Variants in NSD2 observed in about 807,000 individuals in gnomAD.
The protein encoded by NSD2 is nuclear receptor binding SET domain protein 2, also known as histone-lysine N-methyltransferase NSD2.
In NSD2, 12 loss-of-function variants were observed where a neutral mutation model predicts 139.0. That is an observed-to-expected ratio of 0.09 (90% CI 0.06 to 0.14). The LOEUF (loss-of-function observed/expected upper bound fraction) is 0.14, where lower values mean the gene tolerates loss of function less well. Among genes scored for constraint, NSD2 ranks in the 10% least tolerant of loss-of-function variants. The pLI, the probability that NSD2 is intolerant of heterozygous loss-of-function variation, is 1.00. For missense variants in NSD2, 1,155 were observed against 1,745.0 expected, an observed-to-expected ratio of 0.66 and a Z score of 6.02; for synonymous variants, 669 against 648.7, an observed-to-expected ratio of 1.03 and a Z score of -0.48.
intron 4 of NSD2, among the ~76,000 whole-genome samples, chr4:1,917,879 C>G (rs531222662): frequency 6.8e-6 from 1 of 147,672 alleles, no homozygotes; most frequent in East Asian, 2.0e-4. Flanking sequence ...CCTCCCAGTT[C>G]AAGTGATTCT....
rs1280034307 is a variant in NSD2, at chr4:1,978,875, G to A, written c.4064G>A (p.Arg1355Gln). The A allele has an allele frequency of 4.4e-6, 7 of 1,587,824 alleles. No homozygotes were observed. The highest frequency in any genetic ancestry group is 1.7e-5 in the Admixed American group (1 of 57,736). ...PGKPKGKRRRRRGWRRVTEGK is the reference protein window; with the variant it reads ...PGKPKGKRRRQRGWRRVTEGK The stretch of plus-strand genomic sequence containing the variant: ...AAGCCGAAGGGGAAGAGGCGGCGGC[G>A]GAGGGGCTGGCGGAGAGTCACAGAG... Residue 1355 changes from arginine (R) to glutamine (Q), a missense_variant, in exon 22 of 22, where the codon CGG (arginine) becomes CAG (glutamine). This residue lies in a region of NSD2 where 132 missense variants were observed against 94.3 expected (regional missense o/e 1.40). Coordinates refer to ENST00000508803, the MANE Select transcript of NSD2 (RefSeq NM_001042424.3).
At chr4:1,947,548 A>C in intron 9 of NSD2, 8 of 1,053,078 alleles carry the variant, frequency 7.6e-6, no homozygotes, top group Non-Finnish European at 9.2e-6. Flanking sequence ...GAACTATAGT[A>C]TTTTAGATGA....
At chr4:1,941,750 A>G in intron 9 of NSD2, 1 of 1,048,982 alleles carries the variant, frequency 9.5e-7, no homozygotes, top group Middle Eastern at 4.3e-4. Context: ...GCTTAGATAA[A>G]TCTTCCATTA....
chr4:1,878,251 ATTTTTTTTTTTTTTTT>A (rs71589624), intron 1 of NSD2, among the ~76,000 whole-genome samples: 19 of 29,314 alleles, frequency 6.5e-4, no homozygotes, highest in Admixed American at 1.4e-3. Context: ...ATATATATAT[ATTTTTTTTTTTTTTTT>A]TTTTTTTTTT....
chr4:1,904,858 C>T (rs571307698), intron 3 of NSD2, among the ~76,000 whole-genome samples: 20 of 152,268 alleles, frequency 1.3e-4, no homozygotes, highest in Admixed American at 7.2e-4. Context: ...CGGCCGGGCA[C>T]GGTGGCTCAC....
chr4:1,925,664 C>A (rs1720799355), intron 5 of NSD2, among the ~76,000 whole-genome samples: 1 of 151,622 alleles, frequency 6.6e-6, no homozygotes, highest in African/African-American at 2.4e-5. Flanking sequence ...CTCCCAAAGT[C>A]CTGGGATTAC....
intron 10 of NSD2, 58 bp downstream of exon 10, chr4:1,951,261 C>G (rs1076892): frequency 6.2e-6 from 10 of 1,607,466 alleles, no homozygotes; most frequent in South Asian, 1.1e-5. Context: ...GGCCCCGGTA[C>G]GCAGAGCGAA....
At chr4:1,967,041 A>G (rs1303534495) in intron 18 of NSD2, among the ~76,000 whole-genome samples, 1 of 152,316 alleles carries the variant, frequency 6.6e-6, no homozygotes, top group East Asian at 1.9e-4. Flanking sequence ...ATGGACTAGG[A>G]AAAAAAGAGA....
intron 1 of NSD2, among the ~76,000 whole-genome samples, chr4:1,897,368 C>G (rs1405577815): frequency 1.3e-5 from 2 of 151,860 alleles, no homozygotes; most frequent in African/African-American, 4.8e-5. Flanking sequence ...ACCTATAGTC[C>G]CAGCTACTCG....
At chr4:1,954,000 T>TTTTTTTTTG in intron 12 of NSD2, among the ~76,000 whole-genome samples, 1 of 151,514 alleles carries the variant, frequency 6.6e-6, no homozygotes, top group African/African-American at 2.4e-5. Context: ...TTTTTTTTTT[T>TTTTTTTTTG]GGAGAAAAAA....
intron 1 of NSD2, among the ~76,000 whole-genome samples, chr4:1,883,540 G>A (rs372604083): frequency 2.4e-4 from 36 of 151,434 alleles, no homozygotes; most frequent in African/African-American, 7.0e-4. Context: ...GCTGAGGCAC[G>A]AGAATTGCTT....
intron 5 of NSD2, among the ~76,000 whole-genome samples, chr4:1,926,840 C>T (rs1205116560): frequency 6.6e-6 from 1 of 152,170 alleles, no homozygotes; most frequent in Non-Finnish European, 1.5e-5. Context: ...TAGATTGGAA[C>T]CAGTGCTTTA....
intron 9 of NSD2, chr4:1,944,879 A>G: frequency 4.7e-6 from 5 of 1,062,830 alleles, no homozygotes; most frequent in Non-Finnish European, 5.7e-6. Context: ...TGTCTTGAGT[A>G]TATATTTTAT....
chr4:1,964,301 A>G (rs1242451249), intron 18 of NSD2, among the ~76,000 whole-genome samples: 1 of 152,188 alleles, frequency 6.6e-6, no homozygotes, highest in African/African-American at 2.4e-5. Context: ...ATGGCAGAGC[A>G]GGAAGCTGTG....
intron 9 of NSD2, chr4:1,943,782 C>G: frequency 9.4e-7 from 1 of 1,060,988 alleles, no homozygotes; most frequent in African/African-American, 1.6e-5. Flanking sequence ...ATAAAAATGG[C>G]TCTGGTTCAA....
In NSD2 at chr4:1,976,206, T is replaced by A; in HGVS notation, c.3622-269T>A. On this transcript the variant is annotated intron_variant, in intron 20 of 21. Coordinates refer to ENST00000508803, the MANE Select transcript of NSD2 (RefSeq NM_001042424.3). The surrounding 1 kb of genome is among the most constrained non-coding windows in gnomAD (Gnocchi z 5.3). ...GTCCCATCAGCAGATCCTGGAGCTG[T>A]GTGTCTGCTGAGATGCTGCTGAGAT... 1 of 459,770 alleles carries A rather than the reference T, an allele frequency of 2.2e-6. No homozygotes were observed. The highest frequency in any genetic ancestry group is 4.0e-6 in the Non-Finnish European group (1 of 252,478). The allele number at this position is 459,770 out of a possible 1,614,324, so 28.5% of individuals were successfully genotyped here. A position where few individuals can be genotyped will look rare whatever the true frequency, so the allele number is the denominator to read the frequency against.
rs192215466 is a variant in NSD2 at position 1,979,267 on chromosome 4, G to A, written c.*358G>A. The A allele has an allele frequency of 1.2e-4, 32 of 259,020 alleles. No homozygotes were observed. Among genetic ancestry groups the A allele is most frequent in the Middle Eastern group, 1.1e-3 (1 of 930 alleles). The allele number at this position is 259,020 out of a possible 1,614,324, so 16.0% of individuals were successfully genotyped here. A position where few individuals can be genotyped will look rare whatever the true frequency, so the allele number is the denominator to read the frequency against. On this transcript the variant is annotated 3_prime_UTR_variant, in exon 22 of 22. Transcript: ENST00000508803. ...TTTAATCTCCTCTGAAATGTGTAGCGTAGGCTTTTCCCAAGGGTCGCTAGA... is the reference window on the plus strand; with the variant it reads ...TTTAATCTCCTCTGAAATGTGTAGCATAGGCTTTTCCCAAGGGTCGCTAGA...
intron 20 of NSD2, among the ~76,000 whole-genome samples, chr4:1,975,812 A>G (rs1727014041): frequency 6.6e-6 from 1 of 152,138 alleles, no homozygotes; most frequent in African/African-American, 2.4e-5. Flanking sequence ...TGCCCTTCTT[A>G]TAAGAGCACT....
rs769203933 is a variant in NSD2, at chr4:1,978,761, C to T, written c.3950C>T (p.Pro1317Leu). 6.8e-6 allele frequency: 11 copies of T among 1,613,926 alleles called. No homozygotes were observed. The highest frequency in any genetic ancestry group is 2.7e-5 in the African/African-American group (2 of 74,934). Residue 1317 changes from proline to leucine, a missense_variant, in exon 22 of 22, where the codon CCG (proline) becomes CTG (leucine). By Grantham distance (98) the Pro-to-Leu change is moderately conservative (BLOSUM62 -3). This residue lies in a region of NSD2 where 132 missense variants were observed against 94.3 expected (regional missense o/e 1.40). Transcript: ENST00000508803. ...GACGGGACAGCCTTCAGCTGCACCCCGGACGGGCGGTCCTACTGCTGTGAG... is the reference window on the plus strand; with the variant it reads ...GACGGGACAGCCTTCAGCTGCACCCTGGACGGGCGGTCCTACTGCTGTGAG... ...HQDGTAFSCT[P>L]DGRSYCCEHD...
Sources: gnomAD v4.1 joint callset for allele counts (sites outside exome capture counted in the v4.1 genomes callset) on GRCh38, gnomAD v4.1.1 for gene constraint, gnomAD v4.1.1 regional missense constraint, Gnocchi (gnomAD v3.1) non-coding constraint, MANE v1.5 for transcripts, NCBI Gene and HGNC (gene_info 2026-07-23, HGNC 2026-07-21) for gene names.